PTPRD: variants seen among roughly 807,000 people sequenced by gnomAD.
PTPRD encodes the protein receptor-type tyrosine-protein phosphatase delta.
In PTPRD, 34 loss-of-function variants were observed where a neutral mutation model predicts 214.5. The observed-to-expected ratio is 0.16, with a 90% CI of 0.12 to 0.21. The LOEUF is 0.21. Ranked by LOEUF, PTPRD falls within the 10% of genes least tolerant of loss-of-function variation. The pLI, the probability that PTPRD is intolerant of heterozygous loss-of-function variation, is 1.00. For synonymous variants in PTPRD, 1,128 were observed against 845.7 expected (o/e 1.33, Z -5.79); for missense variants, 2,545 against 2,398.7 (o/e 1.06, Z -1.27).
intron 6 of PTPRD, among the ~76,000 whole-genome samples, chr9:9,745,662 T>C (rs2098450130): frequency 6.6e-6 from 1 of 152,188 alleles, no homozygotes; most frequent in Non-Finnish European, 1.5e-5. Context: ...GCCTTATTGC[T>C]CATGATCCTT....
At chr9:9,271,957 T>C (rs1277376195) in intron 9 of PTPRD, among the ~76,000 whole-genome samples, 4 of 151,374 alleles carry the variant, frequency 2.6e-5, no homozygotes, top group Non-Finnish European at 5.9e-5. Context: ...AAATCTGCTA[T>C]ATTGCATTAT....
At chr9:9,950,790 A>G (rs1196538955) in intron 4 of PTPRD, among the ~76,000 whole-genome samples, 3 of 146,440 alleles carry the variant, frequency 2.0e-5, no homozygotes, top group Non-Finnish European at 4.5e-5. Context: ...ACTATCTTTT[A>G]TACCCCTGAA....
chr9:8,695,002 T>C (rs2097880478), intron 12 of PTPRD, among the ~76,000 whole-genome samples: 1 of 152,158 alleles, frequency 6.6e-6, no homozygotes, highest in South Asian at 2.1e-4. Flanking sequence ...TTCTGTCACA[T>C]AAAACCTGAG....
intron 7 of PTPRD, among the ~76,000 whole-genome samples, chr9:9,716,015 C>T (rs2097820108): frequency 6.6e-6 from 1 of 152,004 alleles, no homozygotes; most frequent in Admixed American, 6.6e-5. Context: ...CCCCCCACCC[C>T]ACAACAGTCC....
Position 9,842,713 on chromosome 9 carries a change from G to C in PTPRD, c.-367-75862C>G, listed in dbSNP as rs191901093. Among the ~76,000 whole-genome samples the C allele has an allele frequency of 1.5e-4, 23 of 150,206 alleles. No homozygotes were observed. The East Asian group carries it at 3.7e-3, about 24-fold the overall frequency. ...TTCCCCCCAGATCATTGCTTCATTG[G>C]CTTTACCTTGGACAGGATTCATCAG... On this transcript the variant is annotated intron_variant, in intron 5 of 45. Coordinates refer to ENST00000381196, the MANE Select transcript of PTPRD (RefSeq NM_002839.4).
intron 3 of PTPRD, among the ~76,000 whole-genome samples, chr9:10,084,144 T>C (rs1427848373): frequency 6.6e-6 from 1 of 152,036 alleles, no homozygotes; most frequent in African/African-American, 2.4e-5. Context: ...AAAATAGTAA[T>C]ACATTATAAT....
At chr9:10,281,962 T>C (rs1289471040) in intron 3 of PTPRD, among the ~76,000 whole-genome samples, 2 of 150,766 alleles carry the variant, frequency 1.3e-5, no homozygotes, top group Admixed American at 6.6e-5. Flanking sequence ...ATTCCAAAAA[T>C]ATTGGGGGCC....
intron 11 of PTPRD, among the ~76,000 whole-genome samples, chr9:8,966,596 A>G (rs1469490681): frequency 6.6e-6 from 1 of 152,100 alleles, no homozygotes; most frequent in Non-Finnish European, 1.5e-5. Context: ...TACTATATAC[A>G]AAAATTAACT....
At chr9:9,073,128 A>G (rs1485463196) in intron 10 of PTPRD, among the ~76,000 whole-genome samples, 1 of 152,214 alleles carries the variant, frequency 6.6e-6, no homozygotes, top group African/African-American at 2.4e-5. Flanking sequence ...GGAAACACTA[A>G]TTAGTAATAA....
intron 6 of PTPRD, among the ~76,000 whole-genome samples, chr9:9,746,815 GTTTT>G (rs35142513): frequency 2.4e-5 from 3 of 125,216 alleles, no homozygotes; most frequent in African/African-American, 2.8e-5. Flanking sequence ...TGCTTGAAAA[GTTTT>G]TTTTTTTTTT....
chr9:9,543,954 A>G (rs952480431), intron 8 of PTPRD, among the ~76,000 whole-genome samples: 1 of 151,678 alleles, frequency 6.6e-6, no homozygotes, highest in East Asian at 1.9e-4. Flanking sequence ...TCCAAATTTT[A>G]TCAGGTAACT....
chr9:8,844,222 T>C lies in PTPRD; in HGVS notation c.-103-110276A>G, dbSNP rs1338664849. ...GCTTGTGGATACAATCTTTTATCTA[T>C]GGATTTGCTTACATCATTATTTCTC... On this transcript the variant is annotated intron_variant, in intron 11 of 45. Coordinates refer to ENST00000381196, the MANE Select transcript of PTPRD (RefSeq NM_002839.4). Among the ~76,000 whole-genome samples, 4 of 152,318 alleles carry C rather than the reference T, an allele frequency of 2.6e-5. No homozygotes were observed. The East Asian group carries it at 7.7e-4, about 29-fold the overall frequency.
intron 8 of PTPRD, among the ~76,000 whole-genome samples, chr9:9,547,825 T>C (rs1359697): frequency 0.028 from 2,462 of 88,290 alleles, 62 homozygotes; most frequent in African/African-American, 0.094. Context: ...CACACACACA[T>C]CAGGAAAAAG....
chr9:9,104,365 T>C (rs2099795550), intron 10 of PTPRD, among the ~76,000 whole-genome samples: 1 of 152,184 alleles, frequency 6.6e-6, no homozygotes, highest in Non-Finnish European at 1.5e-5. Context: ...ATGGGCTCTA[T>C]AAAAACAGAT....
At chr9:9,384,215 A>G (rs1248590793) in intron 9 of PTPRD, among the ~76,000 whole-genome samples, 1 of 151,814 alleles carries the variant, frequency 6.6e-6, no homozygotes, top group African/African-American at 2.4e-5. Flanking sequence ...GGTATAGAAG[A>G]TGATGAATAA....
intron 8 of PTPRD, among the ~76,000 whole-genome samples, chr9:9,492,067 A>C (rs776714412): frequency 4.6e-5 from 7 of 151,908 alleles, no homozygotes; most frequent in Non-Finnish European, 1.0e-4. Context: ...GGGCATTATC[A>C]CCAATTATAC....
At chr9:8,559,925 A>C (rs1280362527) in intron 14 of PTPRD, among the ~76,000 whole-genome samples, 1 of 152,214 alleles carries the variant, frequency 6.6e-6, no homozygotes, top group African/African-American at 2.4e-5. Flanking sequence ...AATAGTGTTT[A>C]TTGAAAACCT....
intron 11 of PTPRD, among the ~76,000 whole-genome samples, chr9:8,807,155 G>A (rs1055995389): frequency 6.6e-6 from 1 of 152,052 alleles, no homozygotes; most frequent in East Asian, 1.9e-4. Context: ...TGGGTAACAC[G>A]GTGAAACCCC....
chr9:9,750,027 T>G (rs2098501162), intron 6 of PTPRD, among the ~76,000 whole-genome samples: 1 of 152,116 alleles, frequency 6.6e-6, no homozygotes, highest in South Asian at 2.1e-4. Context: ...TGAAGATGGG[T>G]ATTTTAATTG....
Sources: allele counts gnomAD v4.1 joint callset (sites outside exome capture counted in the v4.1 genomes callset), GRCh38; gene constraint gnomAD v4.1.1; transcripts MANE v1.5; gene names NCBI Gene and HGNC (gene_info 2026-07-23, HGNC 2026-07-21).